Variants in CTNNA3 observed in about 807,000 individuals in gnomAD.
The protein encoded by CTNNA3 is catenin alpha-3.
A neutral mutation model predicts 95.7 loss-of-function variants in CTNNA3; 76 were observed. The observed-to-expected ratio is 0.79, with a 90% CI of 0.66 to 0.96. CTNNA3 has a LOEUF of 0.96. Ranked by LOEUF, CTNNA3 falls within the 40% of genes least tolerant of loss-of-function variation. CTNNA3 has a pLI of 0.00. For missense variants in CTNNA3, 1,191 were observed against 1,089.8 expected (o/e 1.09, Z -1.31); for synonymous variants, 431 against 374.4 (o/e 1.15, Z -1.74).
At chr10:65,988,875 G>T in intron 15 of CTNNA3, 78 bp from the exon 16 acceptor site, 1 of 989,074 alleles carries the variant, frequency 1.0e-6, no homozygotes, top group Non-Finnish European at 1.6e-6. Flanking sequence ...ATGAAAAAAT[G>T]TATTAATCTA....
chr10:67,420,055 T>G (rs1845694894), intron 5 of CTNNA3, among the ~76,000 whole-genome samples: 2 of 152,176 alleles, frequency 1.3e-5, no homozygotes, highest in African/African-American at 4.8e-5. Flanking sequence ...TTTCACCATA[T>G]TGGCAGGCTG....
intron 13 of CTNNA3, among the ~76,000 whole-genome samples, chr10:66,255,630 A>G (rs1248813026): frequency 1.3e-5 from 2 of 151,968 alleles, no homozygotes; most frequent in Non-Finnish European, 2.9e-5. Flanking sequence ...TCCCCCAATC[A>G]TCACCCTCTC....
intron 17 of CTNNA3, among the ~76,000 whole-genome samples, chr10:65,940,054 C>T (rs1416120388): frequency 6.6e-6 from 1 of 152,010 alleles, no homozygotes; most frequent in Non-Finnish European, 1.5e-5. Context: ...GTTGAATATC[C>T]CAACCCAAAC....
intron 11 of CTNNA3, among the ~76,000 whole-genome samples, chr10:66,448,676 G>T (rs2093441611): frequency 6.6e-6 from 1 of 150,680 alleles, no homozygotes; most frequent in African/African-American, 2.4e-5. Flanking sequence ...AAGGACTGTT[G>T]TGGGGTGGGG....
chr10:66,800,544 T>C (rs779159364), intron 7 of CTNNA3, among the ~76,000 whole-genome samples: 1 of 150,820 alleles, frequency 6.6e-6, no homozygotes. Context: ...ATAAACAAAA[T>C]AAGGCAAAAG....
chr10:67,225,905 G>A (rs916807849), intron 5 of CTNNA3, among the ~76,000 whole-genome samples: 3 of 152,164 alleles, frequency 2.0e-5, no homozygotes, highest in Non-Finnish European at 2.9e-5. Context: ...GAATTCAGGA[G>A]GTTAGTTATT....
chr10:66,142,864 A>G (rs1213976333), intron 13 of CTNNA3, among the ~76,000 whole-genome samples: 3 of 152,082 alleles, frequency 2.0e-5, no homozygotes, highest in Admixed American at 6.6e-5. Context: ...AGACAAGCAT[A>G]TGGAAAGAAA....
intron 7 of CTNNA3, among the ~76,000 whole-genome samples, chr10:67,058,515 T>G (rs898473842): frequency 5.3e-5 from 8 of 152,292 alleles, no homozygotes; most frequent in Middle Eastern, 3.4e-3. Context: ...CTTTGGCCCT[T>G]TCTCCACTAT....
chr10:66,959,072 C>T (rs916086772), intron 7 of CTNNA3, among the ~76,000 whole-genome samples: 2 of 152,046 alleles, frequency 1.3e-5, no homozygotes, highest in Admixed American at 1.3e-4. Context: ...CGCTGGTATC[C>T]ACAGGGTAGA....
chr10:67,265,944 A>G (rs930225752), intron 5 of CTNNA3, among the ~76,000 whole-genome samples: 1 of 152,184 alleles, frequency 6.6e-6, no homozygotes, highest in African/African-American at 2.4e-5. Context: ...AAACAGATCA[A>G]TCGACAAGGC....
At chr10:67,490,456 A>G (rs921000394) in intron 5 of CTNNA3, among the ~76,000 whole-genome samples, 1 of 152,208 alleles carries the variant, frequency 6.6e-6, no homozygotes, top group African/African-American at 2.4e-5. Context: ...GCATAACTAG[A>G]AAAGAGAGAA....
chr10:66,289,193 G>A (rs1043400049), intron 12 of CTNNA3, among the ~76,000 whole-genome samples: 2 of 151,416 alleles, frequency 1.3e-5, no homozygotes, highest in African/African-American at 2.4e-5. Flanking sequence ...AAAAGATTAT[G>A]GATTCAATCT....
intron 13 of CTNNA3, among the ~76,000 whole-genome samples, chr10:66,264,885 T>A (rs1367696433): frequency 6.6e-6 from 1 of 152,012 alleles, no homozygotes; most frequent in Non-Finnish European, 1.5e-5. Context: ...CAGACCTTCC[T>A]GCTCCTGTGT....
rs1328312475 is a variant in CTNNA3 at position 66,499,567 on chromosome 10, G to A, written c.1531+21050C>T. On this transcript the variant is annotated intron_variant, in intron 11 of 17. Transcript: ENST00000433211. ...AACCTTGAACTCCTGGGACGACAGG[G>A]AAAATCAATTTTAATAGAGAACAAT... Among the ~76,000 whole-genome samples, 3 of 152,080 alleles carry A rather than the reference G, an allele frequency of 2.0e-5. No individual in the cohort carries two copies. The East Asian group carries it at 5.8e-4, about 29-fold the overall frequency.
chr10:66,950,820 G>A (rs1848501029), intron 7 of CTNNA3, among the ~76,000 whole-genome samples: 1 of 152,142 alleles, frequency 6.6e-6, no homozygotes, highest in South Asian at 2.1e-4. Context: ...GGGGCATAGA[G>A]AGAGATTTTA....
At chr10:66,642,146 C>T (rs1031952862) in intron 9 of CTNNA3, among the ~76,000 whole-genome samples, 3 of 151,980 alleles carry the variant, frequency 2.0e-5, no homozygotes, top group Non-Finnish European at 4.4e-5. Flanking sequence ...TCATCTATCC[C>T]TAACTTCTCA....
intron 7 of CTNNA3, among the ~76,000 whole-genome samples, chr10:66,973,900 G>A (rs1405203298): frequency 1.3e-5 from 2 of 152,130 alleles, no homozygotes; most frequent in Non-Finnish European, 2.9e-5. Flanking sequence ...GGGATTACAG[G>A]CGTGAACCAC....
At chr10:66,864,684 A>C (rs1157403122) in intron 7 of CTNNA3, among the ~76,000 whole-genome samples, 2 of 152,148 alleles carry the variant, frequency 1.3e-5, no homozygotes, top group Non-Finnish European at 2.9e-5. Context: ...TATCTATAAA[A>C]AAAAAGTTTC....
At chr10:65,960,964 T>C (rs1375623098) in intron 17 of CTNNA3, among the ~76,000 whole-genome samples, 5 of 152,192 alleles carry the variant, frequency 3.3e-5, no homozygotes, top group Non-Finnish European at 7.4e-5. Flanking sequence ...GAAGAAGAGC[T>C]CTTTTTTCTT....
Sources: allele counts gnomAD v4.1 joint callset (sites outside exome capture counted in the v4.1 genomes callset), GRCh38; gene constraint gnomAD v4.1.1; transcripts MANE v1.5; gene names NCBI Gene and HGNC (gene_info 2026-07-23, HGNC 2026-07-21).